Variants in GRM4 observed in about 807,000 individuals in gnomAD.
The protein encoded by GRM4 is glutamate metabotropic receptor 4, also known as metabotropic glutamate receptor 4.
A neutral mutation model predicts 81.7 loss-of-function variants in GRM4; 28 were observed. That is an observed-to-expected ratio of 0.34 (90% confidence interval 0.25 to 0.47). The LOEUF (loss-of-function observed/expected upper bound fraction) is 0.47. GRM4 is among the 20% of genes least tolerant of loss of function. The probability of loss-of-function intolerance (pLI) is 1.00; values close to 1 mark genes in which losing one functional copy is unlikely to be tolerated. For synonymous variants in GRM4, 488 were observed against 528.8 expected, an observed-to-expected ratio of 0.92 and a Z score of 1.06; for missense variants, 948 against 1,290.0, an observed-to-expected ratio of 0.73 and a Z score of 4.06.
rs1248903461 is a variant in GRM4, at chr6:34,115,563, C to CT, written c.519+17414_519+17415insA. ...GGACAGCAGCCTCCAGGGGTCTGCC[C>CT]GAAGACACTCGGCAAACCTTTCAGG... On this transcript the variant is annotated intron_variant, in intron 2 of 10. Transcript: ENST00000538487. This position sits in a 1 kb window ranked among gnomAD's most constrained non-coding sequence, Gnocchi z 4.1. Among the ~76,000 whole-genome samples, 1 of 152,110 alleles carries CT rather than the reference C, an allele frequency of 6.6e-6. No individual in the cohort carries two copies. Among genetic ancestry groups the CT allele is most frequent in the Non-Finnish European group, 1.5e-5 (1 of 68,016 alleles).
chr6:34,132,498 CAA>C (rs1488658709), intron 2 of GRM4, among the ~76,000 whole-genome samples: 1 of 152,196 alleles, frequency 6.6e-6, no homozygotes, highest in Non-Finnish European at 1.5e-5. Flanking sequence ...AGTGTCAAAA[CAA>C]AAGTCTTGCT....
At chr6:34,025,466 G>C (rs1764086508) in intron 10 of GRM4, among the ~76,000 whole-genome samples, 1 of 152,186 alleles carries the variant, frequency 6.6e-6, no homozygotes, top group African/African-American at 2.4e-5. Context: ...AGGGGCACCA[G>C]GGGCAGCTGC....
chr6:34,044,863 G>GACACACACAC (rs1562022179), intron 6 of GRM4, among the ~76,000 whole-genome samples: 1 of 69,610 alleles, frequency 1.4e-5, no homozygotes. Context: ...CACACACACA[G>GACACACACAC]ACATACATAC....
chr6:34,045,999 A>G (rs1224541777), intron 6 of GRM4, among the ~76,000 whole-genome samples: 1 of 152,232 alleles, frequency 6.6e-6, no homozygotes, highest in Admixed American at 6.5e-5. Context: ...CGGCGACTGC[A>G]GCCTTTGTCT....
At chr6:34,052,782 G>A (rs934475642) in intron 6 of GRM4, among the ~76,000 whole-genome samples, 1 of 152,206 alleles carries the variant, frequency 6.6e-6, no homozygotes, top group Non-Finnish European at 1.5e-5. Flanking sequence ...AAGGGCAGGG[G>A]TGGGCACTGG....
chr6:34,060,990 G>A (rs1053914394), intron 4 of GRM4: 6 of 152,538 alleles, frequency 3.9e-5, no homozygotes, highest in African/African-American at 1.2e-4. Flanking sequence ...CAGCAACTCT[G>A]GAGTCCAGGT....
At chr6:34,056,442 CCGA>C (rs1275252630) in intron 6 of GRM4, 99 bp downstream of exon 6, 4 of 1,106,560 alleles carry the variant, frequency 3.6e-6, no homozygotes, top group East Asian at 2.6e-5. Flanking sequence ...CCACGGCCGG[CCGA>C]CGACAGACAA....
chr6:34,138,197 T>G (rs901217222), intron 1 of GRM4, among the ~76,000 whole-genome samples: 2 of 152,212 alleles, frequency 1.3e-5, no homozygotes, highest in African/African-American at 4.8e-5. Flanking sequence ...TTCCTGCTCT[T>G]GGCCCTCTGA....
At position 34,044,729 on chromosome 6, in the gene GRM4, G is replaced by GACAT. The variant is rs138529365; in HGVS notation, c.1169-3985_1169-3982dup. 9.9e-4 allele frequency among the ~76,000 whole-genome samples: 90 copies of GACAT among 90,584 alleles called. No homozygotes were observed. The East Asian group carries it at 0.028, about 28-fold the overall frequency. 59.4% of individuals were successfully genotyped at this position (90,584 alleles called of 152,430 possible). On this transcript the variant is annotated intron_variant, in intron 6 of 10. Coordinates refer to ENST00000538487, the MANE Select transcript of GRM4 (RefSeq NM_000841.4). ...ACAGACACACACACATACACACACAGACATACATACATACACATATATACA... is the reference window on the plus strand; with the variant it reads ...ACAGACACACACACATACACACACAGACATACATACATACATACACATATATACA...
intron 2 of GRM4, among the ~76,000 whole-genome samples, chr6:34,100,821 G>A (rs1429162141): frequency 1.3e-5 from 2 of 152,220 alleles, no homozygotes; most frequent in Non-Finnish European, 2.9e-5. Context: ...AATTGCAGTC[G>A]TGAGACCTAC....
chr6:34,141,638 G>T (rs1180160035), intron 1 of GRM4, among the ~76,000 whole-genome samples: 1 of 146,246 alleles, frequency 6.8e-6, no homozygotes, highest in East Asian at 2.2e-4. Context: ...GGAGCCAAGA[G>T]AAACATGGAC....
chr6:34,033,528 C>A (rs1426101718), intron 9 of GRM4, among the ~76,000 whole-genome samples: 1 of 152,158 alleles, frequency 6.6e-6, no homozygotes, highest in Non-Finnish European at 1.5e-5. Flanking sequence ...GATGAGACCT[C>A]ACCAGCTGCC....
intron 3 of GRM4, among the ~76,000 whole-genome samples, chr6:34,072,852 A>C (rs1767028262): frequency 6.7e-6 from 1 of 149,986 alleles, no homozygotes; most frequent in Non-Finnish European, 1.5e-5. Context: ...CACACCACAC[A>C]CACAATCACC....
chr6:34,120,722 C>T (rs1385022991), intron 2 of GRM4, among the ~76,000 whole-genome samples: 2 of 152,124 alleles, frequency 1.3e-5, no homozygotes, highest in Non-Finnish European at 2.9e-5. Flanking sequence ...ACGAGCACAT[C>T]ATGCCCTCTC....
chr6:34,031,263 C>A (rs117478913), intron 9 of GRM4, among the ~76,000 whole-genome samples: 1,680 of 152,310 alleles, frequency 0.011, 16 homozygotes, highest in East Asian at 0.023. Flanking sequence ...CCCACCATCC[C>A]TGCTCTCCTG....
At chr6:34,112,029 G>C (rs552076759) in intron 2 of GRM4, among the ~76,000 whole-genome samples, 71 of 152,270 alleles carry the variant, frequency 4.7e-4, no homozygotes, top group Non-Finnish European at 8.2e-4. Flanking sequence ...TAGTGGAAGG[G>C]GGGGACATGA....
At chr6:34,028,425 C>A in intron 9 of GRM4, 59 bp from the exon 10 acceptor site, 1 of 1,553,710 alleles carries the variant, frequency 6.4e-7, no homozygotes, top group Admixed American at 1.8e-5. Context: ...GCCCTGACTC[C>A]CGCCAGTTCC....
intron 1 of GRM4, among the ~76,000 whole-genome samples, chr6:34,144,034 C>G (rs577479711): frequency 1.8e-4 from 27 of 152,376 alleles, no homozygotes; most frequent in African/African-American, 6.5e-4. Context: ...AGGCCGCGTT[C>G]TCCCGCGCCA....
chr6:34,117,855 C>T (rs1171908863), intron 2 of GRM4, among the ~76,000 whole-genome samples: 3 of 152,238 alleles, frequency 2.0e-5, no homozygotes, highest in African/African-American at 7.2e-5. Flanking sequence ...ACTGGAAATA[C>T]ATAGATGCAG....
Sources: allele counts gnomAD v4.1 joint callset (sites outside exome capture counted in the v4.1 genomes callset), GRCh38; gene constraint gnomAD v4.1.1; non-coding constraint Gnocchi (gnomAD v3.1); transcripts MANE v1.5; gene names NCBI Gene and HGNC (gene_info 2026-07-23, HGNC 2026-07-21).